Variants in MYOF observed in about 807,000 individuals in gnomAD.
The protein encoded by MYOF is fer-1-like 3, myoferlin.
Under a neutral mutation model 284.2 loss-of-function variants are expected in MYOF, and 244 were observed. The ratio of observed to expected loss-of-function variants is 0.86; its 90% confidence interval spans 0.77 to 0.95. MYOF has a LOEUF of 0.95. Among genes scored for constraint, MYOF ranks in the 40% least tolerant of loss-of-function variants. The pLI is 0.00. For missense variants in MYOF, 2,496 were observed against 2,560.6 expected, an observed-to-expected ratio of 0.97 and a Z score of 0.54; for synonymous variants, 904 against 919.7, an observed-to-expected ratio of 0.98 and a Z score of 0.31.
At position 93,351,582 on chromosome 10, in the gene MYOF, A is replaced by AGGGC. The variant is rs1844516250; in HGVS notation, c.3664-12_3664-11insGCCC. On this transcript the variant is annotated splice_polypyrimidine_tract_variant and intron_variant, in intron 33 of 53. Coordinates refer to ENST00000359263, the MANE Select transcript of MYOF (RefSeq NM_013451.4). ...AAATTCATCTTTGCCCTAGAGAAAC[A>AGGGC]AAGTGATCCTTAAATTCCCCGACAA... 1 of 1,613,092 alleles carries AGGGC rather than the reference A, an allele frequency of 6.2e-7. No individual in the cohort carries two copies. The highest frequency in any genetic ancestry group is 1.7e-5 in the Admixed American group (1 of 59,850).
Position 93,468,357 on chromosome 10 carries a change from C to T in MYOF, c.89-11420G>A, listed in dbSNP as rs182336514. On this transcript the variant is annotated intron_variant, in intron 1 of 53. Coordinates refer to ENST00000359263, the MANE Select transcript of MYOF (RefSeq NM_013451.4). Reference sequence around the variant, plus strand: ...CCTCTAAAAAGGGGATACAAAAGCCCACCTGGTAGAATTGCAGCAAGGATC... The same window carrying T: ...CCTCTAAAAAGGGGATACAAAAGCCTACCTGGTAGAATTGCAGCAAGGATC... Among the ~76,000 whole-genome samples, 27 of 152,276 alleles carry T rather than the reference C, an allele frequency of 1.8e-4. 1 individual carries two copies. The highest frequency in any genetic ancestry group is 3.1e-4 in the Non-Finnish European group (21 of 68,018).
Position 93,351,458 on chromosome 10 carries a change from G to A in MYOF, c.3777C>T (p.Ala1259=), listed in dbSNP as rs1844504835. ...CTGCAGTTACAAGAACATCCCCGCA[G>A]GCTTTGTCTCCATTCATTACTGGGT... The part of the protein sequence containing the change: ...LWHPVMNGDK[A]CGDVLVTAEL... The change falls in exon 34 of 54, where the codon GCC becomes GCT. Residue 1259 remains alanine, a synonymous_variant. Transcript: ENST00000359263. 3 of 1,614,200 alleles carry A rather than the reference G, an allele frequency of 1.9e-6. No homozygotes were observed. Among genetic ancestry groups the A allele is most frequent in the Non-Finnish European group, 2.5e-6 (3 of 1,180,034 alleles).
intron 10 of MYOF, 126 bp from the exon 11 acceptor site, chr10:93,402,473 G>T (rs1847341994): frequency 4.1e-6 from 3 of 729,470 alleles, no homozygotes; most frequent in East Asian, 5.3e-5. Flanking sequence ...AAATTCCCCA[G>T]ATGAGTGTCC....
intron 45 of MYOF, among the ~76,000 whole-genome samples, chr10:93,327,078 C>A (rs1049456976): frequency 6.6e-6 from 1 of 152,044 alleles, no homozygotes; most frequent in Non-Finnish European, 1.5e-5. Context: ...GGCTTAGACA[C>A]AAAAGGCCAC....
intron 43 of MYOF, among the ~76,000 whole-genome samples, chr10:93,330,574 T>C (rs1843252360): frequency 6.6e-6 from 1 of 152,200 alleles, no homozygotes; most frequent in African/African-American, 2.4e-5. Flanking sequence ...AAGGCTTTTC[T>C]ATAGAACCCA....
In MYOF at chr10:93,333,887, C is replaced by T. The variant is rs544720811; in HGVS notation, c.4590G>A (p.Pro1530=). 1.9e-5 allele frequency: 30 copies of T among 1,613,918 alleles called. No individual in the cohort carries two copies. The highest frequency in any genetic ancestry group is 3.3e-4 in the Middle Eastern group (2 of 6,060). The change falls in exon 42 of 54, where the codon CCG becomes CCA. Residue 1530 remains proline (P), a synonymous_variant. Coordinates refer to ENST00000359263, the MANE Select transcript of MYOF (RefSeq NM_013451.4). ...FKGSFRIYPL[P]DDPSVPAPPR... ...GAGGGGCTGGCACGCTGGGGTCATCCGGCAGAGGGTAGATCCGAAAGGAGC... is the reference window on the plus strand; with the variant it reads ...GAGGGGCTGGCACGCTGGGGTCATCTGGCAGAGGGTAGATCCGAAAGGAGC...
At chr10:93,427,778 C>G (rs1019821542) in intron 4 of MYOF, among the ~76,000 whole-genome samples, 1 of 152,056 alleles carries the variant, frequency 6.6e-6, no homozygotes, top group Admixed American at 6.6e-5. Flanking sequence ...ATACTAGTTC[C>G]TTACAAGAGA....
intron 4 of MYOF, among the ~76,000 whole-genome samples, chr10:93,429,858 A>T (rs1423319285): frequency 6.6e-6 from 1 of 151,386 alleles, no homozygotes; most frequent in African/African-American, 2.4e-5. Context: ...CACTTGAGTC[A>T]TTTTTTTTTA....
chr10:93,378,341 T>C (rs1267118705), intron 21 of MYOF, among the ~76,000 whole-genome samples: 1 of 152,088 alleles, frequency 6.6e-6, no homozygotes, highest in Non-Finnish European at 1.5e-5. Flanking sequence ...TCAAACACAA[T>C]TAGAACACAG....
At chr10:93,366,849 T>C (rs1228376420) in intron 25 of MYOF, among the ~76,000 whole-genome samples, 1 of 152,246 alleles carries the variant, frequency 6.6e-6, no homozygotes, top group African/African-American at 2.4e-5. Context: ...ACGTGCTTTG[T>C]AAATAGCGAT....
intron 1 of MYOF, among the ~76,000 whole-genome samples, chr10:93,458,289 G>A (rs2056792569): frequency 6.6e-6 from 1 of 152,076 alleles, no homozygotes; most frequent in Non-Finnish European, 1.5e-5. Flanking sequence ...GGAGGTCAAG[G>A]CTGCAGTGAG....
intron 1 of MYOF, among the ~76,000 whole-genome samples, chr10:93,457,940 TG>T (rs747830009): frequency 8.6e-5 from 13 of 151,622 alleles, no homozygotes; most frequent in Non-Finnish European, 1.9e-4. Flanking sequence ...GATGGGGTTT[TG>T]CCATGTTGCC....
chr10:93,383,258 C>T (rs1470131914), intron 19 of MYOF, among the ~76,000 whole-genome samples: 1 of 152,154 alleles, frequency 6.6e-6, no homozygotes, highest in Non-Finnish European at 1.5e-5. Flanking sequence ...AGCTTGTGGT[C>T]TTGAAGAACC....
Position 93,373,028 on chromosome 10 carries a change from C to T in MYOF, c.2359G>A (p.Ala787Thr). 2 of 1,614,158 alleles carry T rather than the reference C, an allele frequency of 1.2e-6. No individual in the cohort carries two copies. Among genetic ancestry groups the T allele is most frequent in the Non-Finnish European group, 1.7e-6 (2 of 1,180,018 alleles). ...TGATGTGCGGGAATTCGTGCATAGG[C>T]CAGTCTCTTCTCTCCCCGGATCATC... ...IWMIRGEKRL[A>T]YARIPAHQVL... The change falls in exon 24 of 54, where the codon GCC becomes ACC. Residue 787 changes from alanine (A) to threonine (T), a missense_variant. Physicochemically the swap from Ala to Thr is moderately conservative, Grantham distance 58. Transcript: ENST00000359263.
intron 4 of MYOF, among the ~76,000 whole-genome samples, chr10:93,426,642 A>G (rs752704871): frequency 2.6e-5 from 4 of 152,142 alleles, no homozygotes; most frequent in Non-Finnish European, 4.4e-5. Flanking sequence ...TAATCCTAGC[A>G]CTTTGGGAGG....
chr10:93,422,653 G>A (rs993256325), intron 5 of MYOF, among the ~76,000 whole-genome samples: 16 of 152,134 alleles, frequency 1.1e-4, no homozygotes, highest in East Asian at 3.9e-4. Context: ...AAAATTAGCC[G>A]GGCATAGTGG....
chr10:93,343,052 AT>A (rs72520053), intron 38 of MYOF, among the ~76,000 whole-genome samples: 36,214 of 150,928 alleles, frequency 0.24, 6,107 homozygotes, highest in East Asian at 0.89. Context: ...ATGGAAGTAG[AT>A]TTTTTTTTTA....
At position 93,313,185 on chromosome 10, in the gene MYOF, G is replaced by A; in HGVS notation, c.5724C>T (p.His1908=). The A allele has an allele frequency of 4.3e-6, 7 of 1,613,634 alleles. No individual in the cohort carries two copies. Among genetic ancestry groups the A allele is most frequent in the Non-Finnish European group, 5.9e-6 (7 of 1,179,850 alleles). ...YLGFLELDLR[H]TIIPAKSPEK... ...CTGGTGATTTTGCAGGAATGATCGTGTGACGCAAGTCAAGTTCTAGGAAAC... is the reference window on the plus strand; with the variant it reads ...CTGGTGATTTTGCAGGAATGATCGTATGACGCAAGTCAAGTTCTAGGAAAC... The change falls in exon 51 of 54, where the codon CAC becomes CAT. Residue 1908 remains histidine (H), a synonymous_variant. Transcript: ENST00000359263.
At chr10:93,395,309 G>T (rs1846946872) in intron 16 of MYOF, among the ~76,000 whole-genome samples, 1 of 152,154 alleles carries the variant, frequency 6.6e-6, no homozygotes, top group South Asian at 2.1e-4. Flanking sequence ...TGGGCGTGGT[G>T]GCATGCGCCT....
Sources: allele counts gnomAD v4.1 joint callset (sites outside exome capture counted in the v4.1 genomes callset), GRCh38; gene constraint gnomAD v4.1.1; transcripts MANE v1.5; gene names NCBI Gene and HGNC (gene_info 2026-07-23, HGNC 2026-07-21).